Variants in RASGEF1C observed in about 807,000 individuals in gnomAD.
The protein encoded by RASGEF1C is RasGEF domain family member 1C, also known as ras-GEF domain-containing family member 1C.
In RASGEF1C, 27 loss-of-function variants were observed where a neutral mutation model predicts 58.1. The ratio of observed to expected loss-of-function variants is 0.46; its 90% CI spans 0.34 to 0.64. The LOEUF (loss-of-function observed/expected upper bound fraction) is 0.64, where lower values mean the gene tolerates loss of function less well. Among genes scored for constraint, RASGEF1C ranks in the 30% least tolerant of loss-of-function variants. The pLI is 0.01. For missense variants in RASGEF1C, 502 were observed against 605.1 expected (o/e 0.83, Z 1.79); for synonymous variants, 243 against 246.3 (o/e 0.99, Z 0.13).
Position 180,137,842 on chromosome 5 carries a change from G to A in RASGEF1C, c.177+34C>T. The A allele has an allele frequency of 6.2e-7, 1 of 1,606,226 alleles. No homozygotes were observed. Among genetic ancestry groups the A allele is most frequent in the Non-Finnish European group, 8.5e-7 (1 of 1,176,910 alleles). On this transcript the variant is annotated intron_variant, in intron 2 of 13. Coordinates refer to ENST00000361132, the MANE Select transcript of RASGEF1C (RefSeq NM_175062.4). The surrounding 1 kb of genome is among the most constrained non-coding windows in gnomAD (Gnocchi z 4.1). Reference sequence around the variant, plus strand: ...TGCCCCCCGTGCGTGGTGGAGGAGAGCCCACTCTCCTGCCCGCTGGGTGGA... The same window carrying A: ...TGCCCCCCGTGCGTGGTGGAGGAGAACCCACTCTCCTGCCCGCTGGGTGGA...
intron 3 of RASGEF1C, chr5:180,136,913 C>CGACG: frequency 4.9e-6 from 1 of 204,382 alleles, no homozygotes. Context: ...TAGGATACGC[C>CGACG]AATGAGGAGA....
intron 1 of RASGEF1C, among the ~76,000 whole-genome samples, chr5:180,200,556 G>A (rs55944951): frequency 0.14 from 21,288 of 151,552 alleles, 2,004 homozygotes; most frequent in Non-Finnish European, 0.21. Flanking sequence ...CTTGTGATCC[G>A]CCCACCTCGG....
intron 1 of RASGEF1C, among the ~76,000 whole-genome samples, chr5:180,205,308 G>C (rs1756468682): frequency 1.3e-5 from 2 of 152,116 alleles, no homozygotes; most frequent in South Asian, 4.2e-4. Context: ...CCAATTCAAA[G>C]ATATAATTGA....
rs372603002 is a variant in RASGEF1C, at chr5:180,121,369, G to A, written c.715-220C>T. 8.2e-4 allele frequency among the ~76,000 whole-genome samples: 124 copies of A among 151,434 alleles called. 1 individual carries two copies. The highest frequency in any genetic ancestry group is 5.1e-3 in the East Asian group (26 of 5,140). On this transcript the variant is annotated intron_variant, in intron 6 of 13. Transcript: ENST00000361132. ...CGCTCTGTCGCCCAGGCTGGAGTGC[G>A]GTGGCGCGATCTCGGCTCACTGCAA... is the stretch of plus-strand genomic sequence containing the variant.
chr5:180,184,028 C>T lies in RASGEF1C; in HGVS notation c.-7+25000G>A, dbSNP rs1468541409. On this transcript the variant is annotated intron_variant, in intron 1 of 13. Coordinates refer to ENST00000361132, the MANE Select transcript of RASGEF1C (RefSeq NM_175062.4). The stretch of plus-strand genomic sequence containing the variant: ...CTTTACTAAAAATACAAAAATTAGC[C>T]GGGTGTGGTGACGCATGCCCAGCTA... Among the ~76,000 whole-genome samples the T allele has an allele frequency of 5.3e-5, 8 of 151,494 alleles. No individual in the cohort carries two copies. The South Asian group carries it at 8.3e-4, about 16-fold the overall frequency.
intron 10 of RASGEF1C, chr5:180,115,307 AT>A: frequency 4.6e-5 from 20 of 435,806 alleles, no homozygotes; most frequent in Non-Finnish European, 6.8e-5. Flanking sequence ...AAAAAAAAAA[AT>A]TTAACAATTT....
chr5:180,104,820 G>A (rs2113233988), intron 12 of RASGEF1C, among the ~76,000 whole-genome samples: 1 of 152,288 alleles, frequency 6.6e-6, no homozygotes, highest in South Asian at 2.1e-4. Flanking sequence ...TGCTTTTTAA[G>A]GAATTAGTTC....
chr5:180,178,461 G>T (rs933888365), intron 1 of RASGEF1C, among the ~76,000 whole-genome samples: 23 of 150,680 alleles, frequency 1.5e-4, no homozygotes, highest in Admixed American at 6.6e-5. Context: ...TGTATTTTTA[G>T]TAGAGACGGG....
intron 1 of RASGEF1C, among the ~76,000 whole-genome samples, chr5:180,164,509 A>G (rs1273000669): frequency 1.3e-5 from 2 of 152,204 alleles, no homozygotes; most frequent in Admixed American, 1.3e-4. Flanking sequence ...TCATTCAGTT[A>G]AAAATGTTTT....
intron 1 of RASGEF1C, among the ~76,000 whole-genome samples, chr5:180,138,637 C>T (rs1766527475): frequency 6.6e-6 from 1 of 152,200 alleles, no homozygotes; most frequent in Non-Finnish European, 1.5e-5. Context: ...ACTTCTCCAT[C>T]ACATGTGCCT....
chr5:180,160,411 A>G (rs1217083360), intron 1 of RASGEF1C, among the ~76,000 whole-genome samples: 1 of 152,198 alleles, frequency 6.6e-6, no homozygotes, highest in African/African-American at 2.4e-5. Context: ...GTTGTGCACA[A>G]GAGGTGGGCT....
At chr5:180,179,277 G>T (rs758294903) in intron 1 of RASGEF1C, among the ~76,000 whole-genome samples, 5 of 152,124 alleles carry the variant, frequency 3.3e-5, no homozygotes, top group African/African-American at 7.2e-5. Flanking sequence ...TGGGTGACTT[G>T]TCTGAGATGA....
intron 1 of RASGEF1C, among the ~76,000 whole-genome samples, chr5:180,163,254 C>CTTTTTTTTTTTTTTTTTTT (rs1187829324): frequency 0.061 from 4,325 of 70,776 alleles, 1,127 homozygotes; most frequent in Non-Finnish European, 0.068. Context: ...TTTTTTTTTC[C>CTTTTTTTTTTTTTTTTTTT]AGCCTATTGC....
At chr5:180,115,247 C>G (rs1766044583) in intron 10 of RASGEF1C, 1 of 433,012 alleles carries the variant, frequency 2.3e-6, no homozygotes, top group Non-Finnish European at 4.5e-6. Context: ...AACTCCTGAC[C>G]TTGTGATCTG....
chr5:180,146,213 A>T (rs1766658311), intron 1 of RASGEF1C, among the ~76,000 whole-genome samples: 1 of 151,882 alleles, frequency 6.6e-6, no homozygotes, highest in African/African-American at 2.4e-5. Context: ...CACAATCTTG[A>T]CTCACTGCAA....
intron 1 of RASGEF1C, among the ~76,000 whole-genome samples, chr5:180,188,938 C>G (rs562989418): frequency 6.6e-6 from 1 of 152,176 alleles, no homozygotes; most frequent in Non-Finnish European, 1.5e-5. Context: ...GAGGTTCAGT[C>G]TAGTATAATA....
intron 1 of RASGEF1C, among the ~76,000 whole-genome samples, chr5:180,163,219 A>G (rs898418972): frequency 2.2e-4 from 15 of 66,756 alleles, no homozygotes; most frequent in African/African-American, 7.3e-4. Flanking sequence ...CCTTCCTCTC[A>G]CCACCCCCTC....
At chr5:180,138,168 A>G in intron 1 of RASGEF1C, 110 bp from the exon 2 acceptor site, 1 of 623,766 alleles carries the variant, frequency 1.6e-6, no homozygotes, top group South Asian at 2.3e-5. Flanking sequence ...CTCCCCCCAC[A>G]GCCACTTTGT....
chr5:180,123,785 A>C (rs1399826062), intron 6 of RASGEF1C, among the ~76,000 whole-genome samples: 4 of 152,156 alleles, frequency 2.6e-5, no homozygotes, highest in Non-Finnish European at 5.9e-5. Context: ...TTTATTTGAA[A>C]ACATTAATAA....
Sources: gnomAD v4.1 joint callset for allele counts (sites outside exome capture counted in the v4.1 genomes callset) on GRCh38, gnomAD v4.1.1 for gene constraint, Gnocchi (gnomAD v3.1) non-coding constraint, MANE v1.5 for transcripts, NCBI Gene and HGNC (gene_info 2026-07-23, HGNC 2026-07-21) for gene names.